The following NTRK2 variants were observed in gnomAD, a reference collection of about 807,000 sequenced individuals.
The protein encoded by NTRK2 is BDNF/NT-3 growth factors receptor.
In NTRK2, 13 loss-of-function variants were observed where a neutral mutation model predicts 94.5. The observed-to-expected ratio is 0.14, with a 90% confidence interval of 0.09 to 0.22. NTRK2 has a LOEUF of 0.22. Ranked by LOEUF, NTRK2 falls within the 10% of genes least tolerant of loss-of-function variation. The pLI, the probability that NTRK2 is intolerant of heterozygous loss-of-function variation, is 1.00. For synonymous variants in NTRK2, 372 were observed against 407.4 expected, an observed-to-expected ratio of 0.91 and a Z score of 1.05; for missense variants, 639 against 1,071.2, an observed-to-expected ratio of 0.60 and a Z score of 5.63.
intron 9 of NTRK2, 151 bp from the exon 10 acceptor site, chr9:84,741,741 A>G: frequency 3.0e-6 from 2 of 666,668 alleles, no homozygotes; most frequent in Non-Finnish European, 5.4e-6. Flanking sequence ...ACAACTCAAG[A>G]ACTTAAAGTT....
intron 2 of NTRK2, among the ~76,000 whole-genome samples, chr9:84,695,073 A>AAAAAAAAC (rs1554694511): frequency 7.5e-6 from 1 of 133,878 alleles, no homozygotes; most frequent in Non-Finnish European, 1.5e-5. Flanking sequence ...AAAAAAAAAA[A>AAAAAAAAC]ACACACAACA....
intron 17 of NTRK2, among the ~76,000 whole-genome samples, chr9:84,972,464 G>A (rs751070794): frequency 6.6e-6 from 1 of 152,186 alleles, no homozygotes; most frequent in African/African-American, 2.4e-5. Flanking sequence ...GACTGGTTTT[G>A]TAAACAGTTG....
At chr9:84,876,359 A>T in intron 14 of NTRK2, 1 of 1,052,038 alleles carries the variant, frequency 9.5e-7, no homozygotes, top group Non-Finnish European at 1.1e-6. Flanking sequence ...AGCCACCTGA[A>T]TTGTTTTCCT....
chr9:84,840,894 C>T (rs1486870605), intron 12 of NTRK2, among the ~76,000 whole-genome samples: 1 of 152,148 alleles, frequency 6.6e-6, no homozygotes, highest in Non-Finnish European at 1.5e-5. Context: ...TCCTACTTGG[C>T]CTGTTGGAGG....
At chr9:84,866,340 C>T (rs1313881626) in intron 13 of NTRK2, among the ~76,000 whole-genome samples, 1 of 152,176 alleles carries the variant, frequency 6.6e-6, no homozygotes, top group African/African-American at 2.4e-5. Flanking sequence ...TTTCCTGTTA[C>T]TAATCTCGTT....
intron 12 of NTRK2, among the ~76,000 whole-genome samples, chr9:84,759,761 C>T (rs1000193343): frequency 1.6e-4 from 25 of 152,246 alleles, no homozygotes; most frequent in African/African-American, 6.0e-4. Context: ...TTCTCTTTTA[C>T]CTTTCGTTGT....
At chr9:84,870,779 A>G (rs1173083466) in intron 14 of NTRK2, among the ~76,000 whole-genome samples, 1 of 152,188 alleles carries the variant, frequency 6.6e-6, no homozygotes, top group African/African-American at 2.4e-5. Context: ...ATAATATCAC[A>G]TGGACAGTAC....
At chr9:84,823,815 G>A (rs887970320) in intron 12 of NTRK2, among the ~76,000 whole-genome samples, 2 of 152,194 alleles carry the variant, frequency 1.3e-5, no homozygotes, top group South Asian at 2.1e-4. Context: ...GATGCCAAAT[G>A]TTGCCGTTTG....
At chr9:84,896,388 A>G (rs1484225327) in intron 14 of NTRK2, among the ~76,000 whole-genome samples, 1 of 152,178 alleles carries the variant, frequency 6.6e-6, no homozygotes, top group Non-Finnish European at 1.5e-5. Context: ...GAGCATGAGG[A>G]CAGCCTGCAC....
intron 12 of NTRK2, among the ~76,000 whole-genome samples, chr9:84,839,621 A>G (rs1314788567): frequency 6.6e-6 from 1 of 152,150 alleles, no homozygotes; most frequent in Non-Finnish European, 1.5e-5. Flanking sequence ...CATGTGCTGA[A>G]TCGGGCTGAG....
At chr9:84,850,212 AAAAAAAAC>A (rs1165924307) in intron 12 of NTRK2, among the ~76,000 whole-genome samples, 2 of 152,056 alleles carry the variant, frequency 1.3e-5, no homozygotes, top group African/African-American at 2.4e-5. Context: ...TGGTGGGGAA[AAAAAAAAC>A]AAAAAAACAA....
At chr9:84,966,697 C>T (rs1223978076) in intron 17 of NTRK2, among the ~76,000 whole-genome samples, 2 of 152,188 alleles carry the variant, frequency 1.3e-5, no homozygotes, top group East Asian at 3.8e-4. Context: ...TCCCAAAGTG[C>T]TGGGATTACA....
In NTRK2 at chr9:84,728,037, A is replaced by G. The variant is rs2062581522; in HGVS notation, c.1159+78A>G. 3 of 1,353,516 alleles carry G rather than the reference A, an allele frequency of 2.2e-6. No individual in the cohort carries two copies. The East Asian group carries it at 7.0e-5, about 31-fold the overall frequency. The allele number at this position is 1,353,516 out of a possible 1,614,324, so 83.8% of individuals were successfully genotyped here. ...CTGTTGACAAAATCATGTATACAAT[A>G]AGCCATCCCCCAACCTAGTGGCTTA... is the stretch of plus-strand genomic sequence containing the variant. On this transcript the variant is annotated intron_variant, in intron 9 of 18. Coordinates refer to ENST00000277120, the MANE Select transcript of NTRK2 (RefSeq NM_006180.6).
Position 84,707,844 on chromosome 9 carries a change from C to A in NTRK2, c.360C>A (p.Ile120=), listed in dbSNP as rs746147656. Residue 120 remains isoleucine, a splice_region_variant and synonymous_variant, in exon 5 of 19, where the codon ATC becomes ATA. Coordinates refer to ENST00000277120, the MANE Select transcript of NTRK2 (RefSeq NM_006180.6). The part of the protein sequence containing the change: ...AFLKNSNLQH[I]NFTRNKLTSL... Reference sequence around the variant, plus strand: ...GTTTAATGTTTTTGATTCCTTTCAGCAATTTTACCCGAAACAAACTGACGA... The same window carrying A: ...GTTTAATGTTTTTGATTCCTTTCAGAAATTTTACCCGAAACAAACTGACGA... 3 of 1,610,974 alleles carry A rather than the reference C, an allele frequency of 1.9e-6. No homozygotes were observed. The highest frequency in any genetic ancestry group is 2.2e-5 in the East Asian group (1 of 44,762).
rs190235579 is a variant in NTRK2, at chr9:84,872,060, C to T, written c.1633+4629C>T. Reference sequence around the variant, plus strand: ...CACTTTAACTATAGACCCATCTCCTCGATCAATCAGGATGGCAAGATGGAG... The same window carrying T: ...CACTTTAACTATAGACCCATCTCCTTGATCAATCAGGATGGCAAGATGGAG... On this transcript the variant is annotated intron_variant, in intron 14 of 18. Coordinates refer to ENST00000277120, the MANE Select transcript of NTRK2 (RefSeq NM_006180.6). The T allele has an allele frequency of 1.4e-5, 19 of 1,383,542 alleles. No individual in the cohort carries two copies. The Admixed American group carries it at 1.6e-4, about 12-fold the overall frequency. 85.7% of individuals were successfully genotyped at this position (1,383,542 alleles called of 1,614,324 possible).
At position 84,670,685 on chromosome 9, in the gene NTRK2, G is replaced by C. The variant is rs1441642298; in HGVS notation, c.-64G>C. ...AAGCGCAGGGAAGGCCTCCCCGCAC[G>C]GGTGGGGGAAAGCGGCCGGTGCAGC... On this transcript the variant is annotated 5_prime_UTR_variant, in exon 2 of 19. Transcript: ENST00000277120. 12 of 1,543,746 alleles carry C rather than the reference G, an allele frequency of 7.8e-6. No homozygotes were observed. The highest frequency in any genetic ancestry group is 1.1e-5 in the Non-Finnish European group (12 of 1,124,782).
intron 17 of NTRK2, among the ~76,000 whole-genome samples, chr9:84,979,894 T>C (rs1014613529): frequency 6.6e-6 from 1 of 152,238 alleles, no homozygotes. Flanking sequence ...ATTGTTAGCA[T>C]TTTTTAGCAA....
intron 15 of NTRK2, among the ~76,000 whole-genome samples, chr9:84,944,195 T>A (rs1306460777): frequency 3.1e-5 from 4 of 127,538 alleles, no homozygotes; most frequent in Non-Finnish European, 5.0e-5. Flanking sequence ...AAGCTTGTTC[T>A]CTCTCTCTCT....
At chr9:84,844,187 C>T (rs1269360323) in intron 12 of NTRK2, among the ~76,000 whole-genome samples, 2 of 152,132 alleles carry the variant, frequency 1.3e-5, no homozygotes, top group South Asian at 2.1e-4. Flanking sequence ...TGCAGCATGG[C>T]GGATGGACCA....
Sources: allele counts gnomAD v4.1 joint callset (sites outside exome capture counted in the v4.1 genomes callset), GRCh38; gene constraint gnomAD v4.1.1; transcripts MANE v1.5; gene names NCBI Gene and HGNC (gene_info 2026-07-23, HGNC 2026-07-21).